ZNF701: variants seen among roughly 807,000 people sequenced by gnomAD.
ZNF701 encodes the protein zinc finger protein 701.
ZNF701 carries 6 observed loss-of-function variants against 7.1 expected under a neutral mutation model. The ratio of observed to expected loss-of-function variants is 0.84; its 90% CI spans 0.46 to 1.66. The LOEUF (loss-of-function observed/expected upper bound fraction) is 1.66. Among genes scored for constraint, ZNF701 ranks in the 40% most tolerant of loss-of-function variants. The pLI, the probability that ZNF701 is intolerant of heterozygous loss-of-function variation, is 0.01. For synonymous variants in ZNF701, 166 were observed against 188.2 expected, an observed-to-expected ratio of 0.88 and a Z score of 0.97; for missense variants, 541 against 559.2, an observed-to-expected ratio of 0.97 and a Z score of 0.33.
At chr19:52,595,762 CTT>C in the ZNF701 span, 2 of 1,591,242 alleles carry the variant, frequency 1.3e-6, no homozygotes, top group African/African-American at 2.7e-5. Flanking sequence ...ATATTCATCA[CTT>C]TGAGTTTCAG....
chr19:52,596,268 C>A, the ZNF701 span: 2 of 453,450 alleles, frequency 4.4e-6, no homozygotes, highest in South Asian at 3.9e-5. Flanking sequence ...AGTGTTCATA[C>A]TGGAGAAAAA....
At chr19:52,573,154 G>A (rs909047116) in intron 1 of ZNF701, 1 of 163,258 alleles carries the variant, frequency 6.1e-6, no homozygotes, top group Non-Finnish European at 1.3e-5. Flanking sequence ...TGCAACCTTT[G>A]TCTCCTGAGT....
At chr19:52,582,078 A>C (rs531576782) in intron 3 of ZNF701, 124 bp from the exon 4 acceptor site, 1 of 822,686 alleles carries the variant, frequency 1.2e-6, no homozygotes, top group African/African-American at 1.8e-5. Flanking sequence ...TTGTGTTCCT[A>C]AACTTTGAAG....
At chr19:52,589,485 T>TTC, downstream of ZNF701, among the ~76,000 whole-genome samples, 1 of 151,412 alleles carries the variant, frequency 6.6e-6, no homozygotes. Context: ...CTGCTTTTTT[T>TTC]TTTTTTCTTT....
At chr19:52,576,810 A>T (rs1316431861) in intron 3 of ZNF701, among the ~76,000 whole-genome samples, 1 of 152,170 alleles carries the variant, frequency 6.6e-6, no homozygotes, top group East Asian at 1.9e-4. Flanking sequence ...CTTTCTTTTT[A>T]TAAGCAGGAG....
At position 52,576,029 on chromosome 19, in the gene ZNF701, T is replaced by C; in HGVS notation, c.142+8T>C. On this transcript the variant is annotated splice_region_variant and intron_variant, in intron 3 of 3. Coordinates refer to ENST00000391785, the MANE Select transcript of ZNF701 (RefSeq NM_018260.3). The stretch of plus-strand genomic sequence containing the variant: ...GGAACCTGGTCTCCCTGGGTGAGGA[T>C]AACTTCCCTCCAGAAGTGGGGATGT... The C allele has an allele frequency of 1.3e-6, 2 of 1,588,792 alleles. No individual in the cohort carries two copies. Among genetic ancestry groups the C allele is most frequent in the South Asian group, 2.3e-5 (2 of 86,860 alleles).
intron 1 of ZNF701, among the ~76,000 whole-genome samples, chr19:52,571,222 G>T (rs765678320): frequency 1.1e-4 from 16 of 146,604 alleles, no homozygotes; most frequent in Non-Finnish European, 1.8e-4. Flanking sequence ...AAAGAGGGAG[G>T]CTCATCAGAG....
chr19:52,583,978 G>C lies in ZNF701; in HGVS notation c.*521G>C. The C allele has an allele frequency of 2.4e-6, 1 of 416,418 alleles. No homozygotes were observed. 25.8% of individuals were successfully genotyped at this position (416,418 alleles called of 1,614,324 possible). On this transcript the variant is annotated 3_prime_UTR_variant, in exon 4 of 4. Transcript: ENST00000391785. ...CTTACAAATGTGATGATTGTGGCAAGGTCTTCAGTCAAGCTTCATCTTTTG... is the reference window on the plus strand; with the variant it reads ...CTTACAAATGTGATGATTGTGGCAACGTCTTCAGTCAAGCTTCATCTTTTG...
intron 3 of ZNF701, among the ~76,000 whole-genome samples, chr19:52,578,659 T>C (rs1017997639): frequency 4.6e-5 from 7 of 152,266 alleles, no homozygotes; most frequent in African/African-American, 1.7e-4. Flanking sequence ...AGCTCAACTA[T>C]TGTTATTATT....
chr19:52,589,983 A>G (rs7250819), downstream of ZNF701, among the ~76,000 whole-genome samples: 66,916 of 151,834 alleles, frequency 0.44, 14,779 homozygotes, highest in Middle Eastern at 0.48. Flanking sequence ...TCATACAGAC[A>G]GGGTTTCTCT....
rs539894603 is a variant in ZNF701 at position 52,585,396 on chromosome 19, C to T, written c.*1939C>T. On this transcript the variant is annotated 3_prime_UTR_variant, in exon 4 of 4. Transcript: ENST00000391785. ...GAAGGCGCCATCGCCCACCACCTCC[C>T]TCCTCGTGCCGGCCCTGCTTCTCCC... 6.6e-6 allele frequency: 1 copy of T among 152,504 alleles called. No homozygotes were observed. The highest frequency in any genetic ancestry group is 2.4e-5 in the African/African-American group (1 of 41,560). The allele number at this position is 152,504 out of a possible 1,614,324, so 9.4% of individuals were successfully genotyped here.
intron 1 of ZNF701, chr19:52,572,341 C>T (rs1568499826): frequency 2.3e-6 from 3 of 1,286,982 alleles, no homozygotes; most frequent in East Asian, 1.1e-4. Flanking sequence ...AGGTGTGAGC[C>T]ACCGCACTCA....
rs35429660 is a variant in ZNF701 at position 52,585,629 on chromosome 19, C to G, written c.*2172C>G. 43,991 of 151,690 alleles carry G rather than the reference C, an allele frequency of 0.29. 7,011 individuals carry two copies. The highest frequency in any genetic ancestry group is 0.44 in the South Asian group (2,129 of 4,818). 9.4% of individuals were successfully genotyped at this position (151,690 alleles called of 1,614,324 possible). A position where few individuals can be genotyped will look rare whatever the true frequency, so the allele number is the denominator to read the frequency against. ...GAAATTTACTCAACCAAGAAAGCAC[C>G]CCACAGGGTGGGGGTGGGCCCAAGC... On this transcript the variant is annotated 3_prime_UTR_variant, in exon 4 of 4. Transcript: ENST00000391785.
At chr19:52,592,026 T>G, downstream of ZNF701, 1 of 640,340 alleles carries the variant, frequency 1.6e-6, no homozygotes, top group South Asian at 2.0e-5. Context: ...ATACTTATTT[T>G]CTCTTTTCTC....
At chr19:52,597,360 A>C in the ZNF701 span, 1 of 539,266 alleles carries the variant, frequency 1.9e-6, no homozygotes, top group Non-Finnish European at 3.8e-6. Flanking sequence ...TAAGTGTGGC[A>C]AGGTCTTCAG....
chr19:52,575,972 T>G lies in ZNF701; in HGVS notation c.93T>G (p.Thr31=). Residue 31 remains threonine, a synonymous_variant, in exon 3 of 4, where the codon ACT becomes ACG. Transcript: ENST00000391785. ...EWKCLDPAQR[T]LYRDVMLENY... is the part of the protein sequence containing the mutation. ...AATGCCTGGACCCTGCTCAGAGGAC[T>G]CTATACAGAGACGTGATGCTGGAGA... is the stretch of plus-strand genomic sequence containing the variant. 3 of 1,587,308 alleles carry G rather than the reference T, an allele frequency of 1.9e-6. No homozygotes were observed. The highest frequency in any genetic ancestry group is 1.1e-5 in the South Asian group (1 of 87,636).
intron 3 of ZNF701, among the ~76,000 whole-genome samples, chr19:52,577,634 C>G (rs510234): frequency 0.22 from 33,099 of 151,704 alleles, 4,783 homozygotes; most frequent in African/African-American, 0.42. Context: ...CTGTCACACC[C>G]GCATAAGGGC....
intron 3 of ZNF701, among the ~76,000 whole-genome samples, chr19:52,578,341 G>A (rs1269773509): frequency 6.7e-6 from 1 of 150,292 alleles, no homozygotes; most frequent in Non-Finnish European, 1.5e-5. Context: ...CTACCTAAAA[G>A]GCAAGGGCCC....
chr19:52,588,651 T>C, downstream of ZNF701: 1 of 334,292 alleles, frequency 3.0e-6, no homozygotes, highest in East Asian at 7.8e-5. Flanking sequence ...TCTGTCTCCT[T>C]GTTTTCTTAA....
Sources: allele counts gnomAD v4.1 joint callset (sites outside exome capture counted in the v4.1 genomes callset), GRCh38; gene constraint gnomAD v4.1.1; transcripts MANE v1.5; gene names NCBI Gene and HGNC (gene_info 2026-07-23, HGNC 2026-07-21).